Variants in IFNLR1 observed in about 807,000 individuals in gnomAD.
The protein encoded by IFNLR1 is interferon lambda receptor 1.
A neutral mutation model predicts 52.5 loss-of-function variants in IFNLR1; 28 were observed. The ratio of observed to expected loss-of-function variants is 0.53; its 90% CI spans 0.40 to 0.73. The LOEUF (loss-of-function observed/expected upper bound fraction) is 0.73, where lower values mean the gene tolerates loss of function less well. IFNLR1 is among the 30% of genes least tolerant of loss of function. The pLI, the probability that IFNLR1 is intolerant of heterozygous loss-of-function variation, is 0.00. For synonymous variants in IFNLR1, 276 were observed against 274.9 expected, an observed-to-expected ratio of 1.00 and a Z score of -0.04; for missense variants, 623 against 659.1, an observed-to-expected ratio of 0.95 and a Z score of 0.60.
Position 24,159,536 on chromosome 1 carries a change from G to T in IFNLR1, c.608C>A (p.Thr203Lys). Residue 203 changes from threonine to lysine, a missense_variant, in exon 5 of 7, where the codon ACG becomes AAG. Physicochemically the swap from Thr to Lys is moderately conservative, Grantham distance 78. Coordinates refer to ENST00000327535, the MANE Select transcript of IFNLR1 (RefSeq NM_170743.4). ...HHCLSARTIY[T>K]FSVPKYSKFS... is the part of the protein sequence containing the mutation. The stretch of plus-strand genomic sequence containing the variant: ...CTTGCTGTATTTCGGGACACTGAAC[G>T]TGTAGATGGTTCTGGCACTGAGGCA... The T allele has an allele frequency of 6.2e-7, 1 of 1,614,130 alleles. No individual in the cohort carries two copies. The highest frequency in any genetic ancestry group is 8.5e-7 in the Non-Finnish European group (1 of 1,179,984).
chr1:24,178,469 C>T (rs1172569003), intron 2 of IFNLR1, among the ~76,000 whole-genome samples: 2 of 152,072 alleles, frequency 1.3e-5, no homozygotes, highest in African/African-American at 4.8e-5. Flanking sequence ...GGAATTGTAC[C>T]AGAGGGACCT....
intron 2 of IFNLR1, 55 bp downstream of exon 2, chr1:24,180,676 G>GCCCCCCCCCCCCCCCCCCCGCCTTCCCCC: frequency 2.2e-6 from 1 of 455,866 alleles, no homozygotes. Context: ...AGCCCCTCCA[G>GCCCCCCCCCCCCCCCCCCCGCCTTCCCCC]CCCCCACCCA....
At chr1:24,159,440 G>A (rs1489842125) in intron 5 of IFNLR1, 34 bp downstream of exon 5, 2 of 1,603,606 alleles carry the variant, frequency 1.2e-6, no homozygotes, top group Non-Finnish European at 1.7e-6. Context: ...GGCCCAGAGG[G>A]AAAGTTTCTC....
intron 1 of IFNLR1, among the ~76,000 whole-genome samples, chr1:24,186,328 AT>A (rs1334856824): frequency 1.3e-5 from 2 of 152,144 alleles, no homozygotes; most frequent in African/African-American, 4.8e-5. Context: ...TTCTTGAGGA[AT>A]TCCCTGAATT....
At chr1:24,161,133 G>A (rs1484329545) in intron 4 of IFNLR1, among the ~76,000 whole-genome samples, 1 of 152,164 alleles carries the variant, frequency 6.6e-6, no homozygotes, top group Non-Finnish European at 1.5e-5. Context: ...CGAACATACG[G>A]CCCATGAAGC....
intron 2 of IFNLR1, among the ~76,000 whole-genome samples, chr1:24,177,264 G>A (rs558351755): frequency 8.5e-5 from 13 of 152,282 alleles, no homozygotes; most frequent in Middle Eastern, 3.4e-3. Context: ...ATCACAAGGC[G>A]AAGTCCCACG....
chr1:24,162,329 G>A (rs1384316037), intron 3 of IFNLR1, among the ~76,000 whole-genome samples: 2 of 152,146 alleles, frequency 1.3e-5, no homozygotes, highest in Non-Finnish European at 2.9e-5. Flanking sequence ...AACCAGAAAC[G>A]GCACCATGGA....
chr1:24,187,232 C>G lies in IFNLR1; in HGVS notation c.17G>C (p.Arg6Pro), dbSNP rs1213805185. ...CAGGCACAGGAGCAGGGGGCCCCAGCGCTCGGGCCCCGCCATGGCCTTCCT... is the reference window on the plus strand; with the variant it reads ...CAGGCACAGGAGCAGGGGGCCCCAGGGCTCGGGCCCCGCCATGGCCTTCCT... The part of the protein sequence containing the change: MAGPE[R>P]WGPLLLCLLQ... The change falls in exon 1 of 7, where the codon CGC becomes CCC. Residue 6 changes from arginine to proline, a missense_variant. Arg to Pro is a moderately radical substitution (Grantham distance 103, BLOSUM62 -2). Transcript: ENST00000327535. The G allele has an allele frequency of 9.3e-6, 12 of 1,287,070 alleles. No individual in the cohort carries two copies. Among genetic ancestry groups the G allele is most frequent in the African/African-American group, 6.2e-5 (4 of 64,722 alleles). The allele number at this position is 1,287,070 out of a possible 1,614,324, so 79.7% of individuals were successfully genotyped here.
At chr1:24,177,449 G>A (rs543890702) in intron 2 of IFNLR1, among the ~76,000 whole-genome samples, 2 of 152,302 alleles carry the variant, frequency 1.3e-5, no homozygotes, top group African/African-American at 2.4e-5. Flanking sequence ...AACCCGGAGT[G>A]TGATGTTCAA....
At chr1:24,164,809 C>T (rs1644502149) in intron 3 of IFNLR1, among the ~76,000 whole-genome samples, 2 of 149,856 alleles carry the variant, frequency 1.3e-5, no homozygotes, top group Admixed American at 1.3e-4. Context: ...CCCACCCAGG[C>T]TGGAGTGCAG....
At chr1:24,168,803 G>T (rs1365675971) in intron 3 of IFNLR1, among the ~76,000 whole-genome samples, 2 of 152,102 alleles carry the variant, frequency 1.3e-5, no homozygotes, top group South Asian at 2.1e-4. Context: ...GAGTGCAGGG[G>T]CGTGATCTTG....
chr1:24,163,446 G>A (rs1441214226), intron 3 of IFNLR1, among the ~76,000 whole-genome samples: 1 of 152,160 alleles, frequency 6.6e-6, no homozygotes, highest in Non-Finnish European at 1.5e-5. Flanking sequence ...CGTTAATTAA[G>A]ATTCCTACTG....
rs907018255 is a variant in IFNLR1, at chr1:24,157,145, A to G, written c.1548T>C (p.His516=). ...RTEDRGRTLG[H]YMAR The stretch of plus-strand genomic sequence containing the variant: ...GGGGGACAGCTCACCTGGCCATGTA[A>G]TGCCCCAATGTCCGGCCCCTGTCCT... The change falls in exon 7 of 7, where the codon CAT becomes CAC. Residue 516 remains histidine, a synonymous_variant. Coordinates refer to ENST00000327535, the MANE Select transcript of IFNLR1 (RefSeq NM_170743.4). This position sits in a 1 kb window ranked among gnomAD's most constrained non-coding sequence, Gnocchi z 5.1. 1.2e-6 allele frequency: 2 copies of G among 1,610,908 alleles called. No individual in the cohort carries two copies. The highest frequency in any genetic ancestry group is 1.3e-5 in the African/African-American group (1 of 74,862).
chr1:24,183,610 G>A (rs1230001700), intron 1 of IFNLR1, among the ~76,000 whole-genome samples: 4 of 152,102 alleles, frequency 2.6e-5, no homozygotes, highest in Non-Finnish European at 5.9e-5. Flanking sequence ...AAAACACCTT[G>A]CCTTCAGTCC....
chr1:24,172,136 G>A (rs1644587518), intron 2 of IFNLR1, among the ~76,000 whole-genome samples: 1 of 152,232 alleles, frequency 6.6e-6, no homozygotes, highest in Non-Finnish European at 1.5e-5. Flanking sequence ...ACCCATAGAT[G>A]AAAGAATTAT....
chr1:24,159,750 G>A (rs11249014), intron 4 of IFNLR1, 117 bp from the exon 5 acceptor site: 1 of 791,134 alleles, frequency 1.3e-6, no homozygotes, highest in East Asian at 3.4e-5. Context: ...TTTTTTTTTT[G>A]TTTTTTTGTA....
At chr1:24,182,913 C>T in intron 1 of IFNLR1, among the ~76,000 whole-genome samples, 1 of 134,948 alleles carries the variant, frequency 7.4e-6, no homozygotes, top group East Asian at 2.6e-4. Flanking sequence ...AGTGAGACTC[C>T]ATCTCAAATA....
At chr1:24,177,157 A>T (rs1644640383) in intron 2 of IFNLR1, among the ~76,000 whole-genome samples, 1 of 152,216 alleles carries the variant, frequency 6.6e-6, no homozygotes, top group Admixed American at 6.5e-5. Flanking sequence ...AAGAAAAAGC[A>T]ACAACCCTTT....
intron 1 of IFNLR1, among the ~76,000 whole-genome samples, chr1:24,183,670 TC>T (rs1644712021): frequency 6.6e-6 from 1 of 152,172 alleles, no homozygotes; most frequent in Non-Finnish European, 1.5e-5. Context: ...ATCATGTTCA[TC>T]TTCTGCTTAA....
Sources: allele counts gnomAD v4.1 joint callset (sites outside exome capture counted in the v4.1 genomes callset), GRCh38; gene constraint gnomAD v4.1.1; non-coding constraint Gnocchi (gnomAD v3.1); transcripts MANE v1.5; gene names NCBI Gene and HGNC (gene_info 2026-07-23, HGNC 2026-07-21).